Variants in SLC25A26 observed in about 807,000 individuals in gnomAD.
SLC25A26 encodes the protein mitochondrial S-adenosylmethionine carrier protein.
SLC25A26 carries 36 observed loss-of-function variants against 37.8 expected under a neutral mutation model. The observed-to-expected ratio is 0.95, with a 90% CI of 0.73 to 1.26. SLC25A26 has a LOEUF of 1.26. SLC25A26 is among the 50% of genes most tolerant of loss of function. SLC25A26 has a pLI of 0.00. For synonymous variants in SLC25A26, 129 were observed against 122.5 expected (o/e 1.05, Z -0.35); for missense variants, 390 against 331.1 (o/e 1.18, Z -1.38).
At chr3:66,312,345 A>G (rs537594383) in intron 5 of SLC25A26, among the ~76,000 whole-genome samples, 180 of 152,144 alleles carry the variant, frequency 1.2e-3, no homozygotes, top group Middle Eastern at 3.4e-3. Flanking sequence ...ACCAAACCCA[A>G]TCACCCCAGG....
chr3:66,281,847 G>T (rs1404057733), intron 5 of SLC25A26, among the ~76,000 whole-genome samples: 3 of 144,240 alleles, frequency 2.1e-5, no homozygotes, highest in African/African-American at 7.9e-5. Context: ...TTTTGAGATG[G>T]AGTGTCATTC....
At chr3:66,290,287 C>A (rs1420137922) in intron 5 of SLC25A26, among the ~76,000 whole-genome samples, 1 of 152,140 alleles carries the variant, frequency 6.6e-6, no homozygotes, top group Admixed American at 6.6e-5. Context: ...TCCTCTCTTC[C>A]TATTTGAATA....
chr3:66,160,918 G>A (rs541293335), intron 1 of SLC25A26, among the ~76,000 whole-genome samples: 1 of 151,966 alleles, frequency 6.6e-6, no homozygotes, highest in Non-Finnish European at 1.5e-5. Context: ...CTGGGCAACA[G>A]AGCAAGACTC....
chr3:66,166,851 G>T lies in SLC25A26; in HGVS notation c.-354+32867G>T, dbSNP rs144700347. Among the ~76,000 whole-genome samples the T allele has an allele frequency of 1.9e-3, 293 of 152,244 alleles. 1 individual carries two copies. Among genetic ancestry groups the T allele is most frequent in the African/African-American group, 6.7e-3 (278 of 41,548 alleles). ...CTCCACCCAAAACTCATCTTGAATG[G>T]TAGCTCCCACAATTCCCACGTGTTG... On this transcript the variant is annotated intron_variant, in intron 1 of 10. Transcript: ENST00000676754.
At chr3:66,300,433 C>T (rs1189225376) in intron 5 of SLC25A26, among the ~76,000 whole-genome samples, 4 of 151,968 alleles carry the variant, frequency 2.6e-5, no homozygotes. Context: ...ATTGAATTAG[C>T]CACAAGTAAA....
At chr3:66,292,206 A>T (rs776527871) in intron 5 of SLC25A26, among the ~76,000 whole-genome samples, 1 of 152,012 alleles carries the variant, frequency 6.6e-6, no homozygotes, top group Non-Finnish European at 1.5e-5. Context: ...TGCACATGAG[A>T]TGGGCCTCCT....
intron 3 of SLC25A26, among the ~76,000 whole-genome samples, chr3:66,252,129 A>T (rs548080952): frequency 2.3e-4 from 35 of 152,216 alleles, no homozygotes; most frequent in Non-Finnish European, 4.7e-4. Flanking sequence ...AAAATACCAA[A>T]GGAGGTTAGG....
chr3:66,267,443 C>G (rs1420109706), intron 5 of SLC25A26, among the ~76,000 whole-genome samples: 8 of 152,118 alleles, frequency 5.3e-5, no homozygotes. Context: ...ACTTCTTGCC[C>G]TCAGCTGTTT....
intron 3 of SLC25A26, among the ~76,000 whole-genome samples, chr3:66,247,249 A>G (rs995346798): frequency 1.4e-4 from 20 of 137,998 alleles, no homozygotes; most frequent in South Asian, 1.3e-3. Context: ...GATGTTGGCT[A>G]TTTAAATATA....
intron 1 of SLC25A26, among the ~76,000 whole-genome samples, chr3:66,171,870 A>G (rs542156706): frequency 3.3e-5 from 5 of 152,320 alleles, no homozygotes; most frequent in South Asian, 2.1e-4. Flanking sequence ...ACAGAAAGGA[A>G]TCACACAGAA....
chr3:66,308,946 A>G (rs2075302195), intron 5 of SLC25A26, among the ~76,000 whole-genome samples: 1 of 152,068 alleles, frequency 6.6e-6, no homozygotes, highest in South Asian at 2.1e-4. Flanking sequence ...CCAGAATTTT[A>G]TTGAGGATTT....
At chr3:66,266,393 A>T (rs1358937733) in intron 5 of SLC25A26, among the ~76,000 whole-genome samples, 1 of 152,202 alleles carries the variant, frequency 6.6e-6, no homozygotes, top group Non-Finnish European at 1.5e-5. Flanking sequence ...TTGTTTCAAT[A>T]AGAAAATACA....
At chr3:66,343,624 G>T (rs1171353450) in intron 5 of SLC25A26, among the ~76,000 whole-genome samples, 1 of 152,204 alleles carries the variant, frequency 6.6e-6, no homozygotes, top group South Asian at 2.1e-4. Flanking sequence ...TAAGTACCAA[G>T]TAAGAGCAGA....
At chr3:66,153,458 C>T (rs986680870) in intron 1 of SLC25A26, among the ~76,000 whole-genome samples, 1 of 152,214 alleles carries the variant, frequency 6.6e-6, no homozygotes, top group Non-Finnish European at 1.5e-5. Flanking sequence ...TGAAGCTTGA[C>T]TCCCTGAAGT....
At chr3:66,238,223 G>A (rs1020660856) in intron 2 of SLC25A26, among the ~76,000 whole-genome samples, 2 of 151,964 alleles carry the variant, frequency 1.3e-5, no homozygotes, top group East Asian at 1.9e-4. Flanking sequence ...TAGGGGTGTC[G>A]ATCCCCTGTG....
At chr3:66,151,332 G>A (rs1455235102) in intron 1 of SLC25A26, among the ~76,000 whole-genome samples, 1 of 152,140 alleles carries the variant, frequency 6.6e-6, no homozygotes, top group Non-Finnish European at 1.5e-5. Flanking sequence ...GGTTACGAGG[G>A]AAGCAGGGGG....
intron 1 of SLC25A26, among the ~76,000 whole-genome samples, chr3:66,155,695 G>A (rs1354218273): frequency 6.6e-6 from 1 of 152,174 alleles, no homozygotes; most frequent in African/African-American, 2.4e-5. Context: ...AAGTATGTCT[G>A]GAAGAGTACA....
At chr3:66,137,428 A>C (rs1403945769) in intron 1 of SLC25A26, among the ~76,000 whole-genome samples, 1 of 151,972 alleles carries the variant, frequency 6.6e-6, no homozygotes, top group African/African-American at 2.4e-5. Flanking sequence ...GGGTTTCACC[A>C]TGTTGGCCAA....
At chr3:66,247,174 C>T (rs535582201) in intron 3 of SLC25A26, among the ~76,000 whole-genome samples, 14 of 151,960 alleles carry the variant, frequency 9.2e-5, no homozygotes, top group African/African-American at 2.9e-4. Context: ...CCTAGAGAAT[C>T]TTAAGAGGAC....
Sources: gnomAD v4.1 joint callset for allele counts (sites outside exome capture counted in the v4.1 genomes callset) on GRCh38, gnomAD v4.1.1 for gene constraint, MANE v1.5 for transcripts, NCBI Gene and HGNC (gene_info 2026-07-23, HGNC 2026-07-21) for gene names.